CACNB2: variants seen among roughly 807,000 people sequenced by gnomAD.
CACNB2 encodes the protein voltage-dependent L-type calcium channel subunit beta-2.
In CACNB2, 42 loss-of-function variants were observed where a neutral mutation model predicts 73.3. The ratio of observed to expected loss-of-function variants is 0.57; its 90% CI spans 0.45 to 0.74. CACNB2 has a LOEUF of 0.74. CACNB2 is among the 30% of genes least tolerant of loss of function. The pLI is 0.00. For missense variants in CACNB2, 940 were observed against 853.0 expected, an observed-to-expected ratio of 1.10 and a Z score of -1.27; for synonymous variants, 348 against 310.3, an observed-to-expected ratio of 1.12 and a Z score of -1.28.
chr10:18,449,970 G>A (rs1056841951), intron 3 of CACNB2, among the ~76,000 whole-genome samples: 3 of 152,210 alleles, frequency 2.0e-5, no homozygotes, highest in South Asian at 2.1e-4. Flanking sequence ...TCTCACCAGC[G>A]TGGAAGACCC....
In CACNB2 at chr10:18,222,407, T is replaced by TACACACACACAC. The variant is rs59165053; in HGVS notation, c.213+71444_213+71455dup. Among the ~76,000 whole-genome samples the TACACACACACAC allele has an allele frequency of 1.0e-3, 153 of 149,898 alleles. 2 individuals carry two copies. Among genetic ancestry groups the TACACACACACAC allele is most frequent in the Middle Eastern group, 3.5e-3 (1 of 288 alleles). On this transcript the variant is annotated intron_variant, in intron 2 of 13. Coordinates refer to ENST00000324631, the MANE Select transcript of CACNB2 (RefSeq NM_201596.3). Reference sequence around the variant, plus strand: ...ACAAATGATTGAAAACACACACACATACACACACACACACACACACACAAA... The same window carrying TACACACACACAC: ...ACAAATGATTGAAAACACACACACATACACACACACACACACACACACACACACACACACAAA...
chr10:18,508,740 A>G (rs537537017), intron 6 of CACNB2, among the ~76,000 whole-genome samples: 2 of 152,316 alleles, frequency 1.3e-5, no homozygotes, highest in Admixed American at 1.3e-4. Context: ...ACGTGGACAG[A>G]CCCAGTAAAA....
Position 18,356,939 on chromosome 10 carries a change from T to TGTC in CACNB2, c.214-44985_214-44984insGTC, listed in dbSNP as rs1196503374. 1.2e-4 allele frequency among the ~76,000 whole-genome samples: 4 copies of TGTC among 32,756 alleles called. 1 individual carries two copies. In the Admixed American group the frequency reaches 1.3e-3, roughly 10 times the overall value. The allele number at this position is 32,756 out of a possible 152,430, so 21.5% of individuals were successfully genotyped here. On this transcript the variant is annotated intron_variant, in intron 2 of 13. Transcript: ENST00000324631. ...GCCACTGTGCCTGGCCCAGACTCAATTTCTTTTTTTTTTTTTTTTTTTTGA... is the reference window on the plus strand; with the variant it reads ...GCCACTGTGCCTGGCCCAGACTCAATGTCTTCTTTTTTTTTTTTTTTTTTTTGA...
chr10:18,529,546 T>G (rs534399882), intron 10 of CACNB2, among the ~76,000 whole-genome samples: 1 of 152,176 alleles, frequency 6.6e-6, no homozygotes, highest in South Asian at 2.1e-4. Flanking sequence ...GACTTGAAGA[T>G]GACAGGATTT....
At chr10:18,468,671 C>T (rs1272356506) in intron 3 of CACNB2, among the ~76,000 whole-genome samples, 1 of 152,074 alleles carries the variant, frequency 6.6e-6, no homozygotes, top group African/African-American at 2.4e-5. Flanking sequence ...ACAATCTCAG[C>T]TCACTGCAAC....
rs74440383 is a variant in CACNB2 at position 18,291,085 on chromosome 10, G to A, written c.214-110839G>A. 4.3e-3 allele frequency among the ~76,000 whole-genome samples: 659 copies of A among 152,328 alleles called. 10 individuals are homozygous for A. The highest frequency in any genetic ancestry group is 0.017 in the East Asian group (87 of 5,188). On this transcript the variant is annotated intron_variant, in intron 2 of 13. Coordinates refer to ENST00000324631, the MANE Select transcript of CACNB2 (RefSeq NM_201596.3). ...AACAACAGGTGCGCAGTGAGCTTCT[G>A]GAACTGCAGGGAGAGCGATAACCTA...
chr10:18,504,221 G>A (rs1389372263), intron 5 of CACNB2, among the ~76,000 whole-genome samples: 1 of 152,186 alleles, frequency 6.6e-6, no homozygotes, highest in Non-Finnish European at 1.5e-5. Context: ...GGTCACAGAT[G>A]AGAAAACAGG....
intron 2 of CACNB2, among the ~76,000 whole-genome samples, chr10:18,339,242 T>C (rs1467627285): frequency 6.6e-6 from 1 of 152,094 alleles, no homozygotes; most frequent in African/African-American, 2.4e-5. Context: ...ACCAACAGGC[T>C]GGGCACAGTG....
intron 2 of CACNB2, among the ~76,000 whole-genome samples, chr10:18,315,135 C>G (rs974895354): frequency 1.3e-5 from 2 of 152,060 alleles, no homozygotes; most frequent in Non-Finnish European, 2.9e-5. Context: ...AGTTCGAGAC[C>G]AGCCTGGCCA....
At chr10:18,524,223 T>C (rs915413022) in intron 9 of CACNB2, among the ~76,000 whole-genome samples, 1 of 152,172 alleles carries the variant, frequency 6.6e-6, no homozygotes, top group Non-Finnish European at 1.5e-5. Context: ...TTTTTTTGTT[T>C]TTTTGTTTTG....
intron 3 of CACNB2, among the ~76,000 whole-genome samples, chr10:18,467,168 A>G (rs982859081): frequency 6.6e-6 from 1 of 152,206 alleles, no homozygotes; most frequent in Non-Finnish European, 1.5e-5. Context: ...AAATAAATAA[A>G]TGGAATAGGA....
At chr10:18,390,158 T>A (rs1353494420) in intron 2 of CACNB2, among the ~76,000 whole-genome samples, 1 of 151,174 alleles carries the variant, frequency 6.6e-6, no homozygotes, top group East Asian at 2.0e-4. Flanking sequence ...ATTCATTTGT[T>A]TGATTGTTTC....
chr10:18,405,968 A>AAACC (rs2132573332), intron 3 of CACNB2, among the ~76,000 whole-genome samples: 1 of 152,190 alleles, frequency 6.6e-6, no homozygotes, highest in South Asian at 2.1e-4. Context: ...ACAAACAAAC[A>AAACC]AACAAACAAA....
intron 2 of CACNB2, among the ~76,000 whole-genome samples, chr10:18,393,505 C>T (rs1027252288): frequency 2.6e-5 from 4 of 152,090 alleles, no homozygotes; most frequent in African/African-American, 9.7e-5. Flanking sequence ...TTGATATGTT[C>T]GTTTTTTAAA....
chr10:18,225,191 G>A (rs1779211), intron 2 of CACNB2, among the ~76,000 whole-genome samples: 99,018 of 151,626 alleles, frequency 0.65, 33,590 homozygotes, highest in Non-Finnish European at 0.75. Flanking sequence ...GAGCTGGGAG[G>A]AGTCGGCAGA....
chr10:18,346,897 T>C (rs958767563), intron 2 of CACNB2, among the ~76,000 whole-genome samples: 53 of 152,132 alleles, frequency 3.5e-4, no homozygotes, highest in African/African-American at 1.3e-3. Flanking sequence ...GCACCTGGCC[T>C]GTTAGTGGCT....
rs375586488 is a variant in CACNB2 at position 18,229,739 on chromosome 10, T to A, written c.213+78764T>A. On this transcript the variant is annotated intron_variant, in intron 2 of 13. Coordinates refer to ENST00000324631, the MANE Select transcript of CACNB2 (RefSeq NM_201596.3). ...GCTATAGATTCATATATTTATAGGT[T>A]GGTTTATAGTTATGTTTGTCAATGA... Among the ~76,000 whole-genome samples the A allele has an allele frequency of 2.3e-3, 355 of 152,278 alleles. 2 individuals are homozygous for A. The highest frequency in any genetic ancestry group is 8.4e-3 in the African/African-American group (348 of 41,558).
chr10:18,264,149 A>G (rs930215450), intron 2 of CACNB2, among the ~76,000 whole-genome samples: 1 of 152,202 alleles, frequency 6.6e-6, no homozygotes, highest in South Asian at 2.1e-4. Flanking sequence ...CAGAGACACT[A>G]ACTCTTTTTG....
intron 3 of CACNB2, among the ~76,000 whole-genome samples, chr10:18,489,773 A>G (rs2049301864): frequency 6.6e-6 from 1 of 152,198 alleles, no homozygotes; most frequent in Non-Finnish European, 1.5e-5. Flanking sequence ...GAAGAAGAGA[A>G]TATGAATTTC....
Sources: gnomAD v4.1 joint callset for allele counts (sites outside exome capture counted in the v4.1 genomes callset) on GRCh38, gnomAD v4.1.1 for gene constraint, MANE v1.5 for transcripts, NCBI Gene and HGNC (gene_info 2026-07-23, HGNC 2026-07-21) for gene names.